Variants in E2F6 observed in about 807,000 individuals in gnomAD.
E2F6 encodes the protein E2F transcription factor 6.
In E2F6, 19 loss-of-function variants were observed where a neutral mutation model predicts 31.5. The observed-to-expected ratio is 0.60, with a 90% CI of 0.42 to 0.89. The LOEUF is 0.89. Ranked by LOEUF, E2F6 falls within the 40% of genes least tolerant of loss-of-function variation. E2F6 has a pLI of 0.00. For synonymous variants in E2F6, 121 were observed against 127.7 expected, an observed-to-expected ratio of 0.95 and a Z score of 0.36; for missense variants, 269 against 341.6, an observed-to-expected ratio of 0.79 and a Z score of 1.67.
intron 5 of E2F6, among the ~76,000 whole-genome samples, chr2:11,449,087 C>T (rs1205907379): frequency 6.6e-6 from 1 of 152,150 alleles, no homozygotes; most frequent in Non-Finnish European, 1.5e-5. Context: ...AGGGAAAAGC[C>T]AAAAATCCAT....
intron 4 of E2F6, 65 bp downstream of exon 4, chr2:11,451,586 C>G: frequency 6.9e-7 from 1 of 1,457,832 alleles, no homozygotes; most frequent in African/African-American, 1.4e-5. Flanking sequence ...CCCAAGCTGA[C>G]TCTACTACTT....
chr2:11,461,638 C>A (rs576224853), intron 1 of E2F6, among the ~76,000 whole-genome samples: 3 of 152,224 alleles, frequency 2.0e-5, no homozygotes, highest in African/African-American at 7.2e-5. Flanking sequence ...CAGGCATGAG[C>A]CACCATGACT....
chr2:11,457,076 A>C (rs1319366735), intron 2 of E2F6, 103 bp downstream of exon 2: 3 of 912,510 alleles, frequency 3.3e-6, no homozygotes, highest in Admixed American at 2.4e-5. Flanking sequence ...CACATAACAA[A>C]TTGTATTTCA....
In E2F6 at chr2:11,454,114, C is replaced by T. The variant is rs1437414937; in HGVS notation, c.164-316G>A. Among the ~76,000 whole-genome samples, 4 of 152,306 alleles carry T rather than the reference C, an allele frequency of 2.6e-5. No homozygotes were observed. In the East Asian group the frequency reaches 7.7e-4, roughly 29 times the overall value. ...ACAAAGCAGTGAGATTAATTTGCATCCATACCACTCTCAGGAATAGAATTA... is the reference window on the plus strand; with the variant it reads ...ACAAAGCAGTGAGATTAATTTGCATTCATACCACTCTCAGGAATAGAATTA... On this transcript the variant is annotated intron_variant, in intron 2 of 6. Transcript: ENST00000381525.
rs892932874 is a variant in E2F6 at position 11,446,404 on chromosome 2, A to G, written c.*73T>C. The G allele has an allele frequency of 1.4e-5, 16 of 1,135,538 alleles. No homozygotes were observed. The highest frequency in any genetic ancestry group is 1.9e-5 in the Non-Finnish European group (14 of 752,438). The allele number at this position is 1,135,538 out of a possible 1,614,324, so 70.3% of individuals were successfully genotyped here. A position where few individuals can be genotyped will look rare whatever the true frequency, so the allele number is the denominator to read the frequency against. ...TCATGGATAATTTATTGCTCTGAGA[A>G]TCAAATTTGATGCGTAATTCTCCAC... On this transcript the variant is annotated 3_prime_UTR_variant, in exon 7 of 7. Transcript: ENST00000381525.
intron 1 of E2F6, 32 bp downstream of exon 1, chr2:11,465,740 A>G (rs904517079): frequency 6.4e-7 from 1 of 1,555,992 alleles, no homozygotes; most frequent in Non-Finnish European, 8.7e-7. Flanking sequence ...TTGGGAGACC[A>G]CCGCCCGTCC....
chr2:11,464,517 CAAAAAAAAAAAA>C (rs559562627), intron 1 of E2F6, among the ~76,000 whole-genome samples: 1 of 44,658 alleles, frequency 2.2e-5, no homozygotes, highest in Non-Finnish European at 4.0e-5. Context: ...ACTTCGTCAC[CAAAAAAAAAAAA>C]AAAAAAAAAA....
chr2:11,462,371 A>G (rs1243882671), intron 1 of E2F6, among the ~76,000 whole-genome samples: 1 of 152,262 alleles, frequency 6.6e-6, no homozygotes, highest in Non-Finnish European at 1.5e-5. Flanking sequence ...GATCGGGCAT[A>G]GTAAGAGATT....
At chr2:11,458,187 G>C in intron 1 of E2F6, 1 of 1,359,198 alleles carries the variant, frequency 7.4e-7, no homozygotes, top group Non-Finnish European at 1.0e-6. Flanking sequence ...AGAAAAAACT[G>C]GCCATAAAGC....
rs1672191600 is a variant in E2F6 at position 11,466,040 on chromosome 2, C to T, written c.-161G>A. The T allele has an allele frequency of 3.5e-6, 2 of 576,388 alleles. No homozygotes were observed. Among genetic ancestry groups the T allele is most frequent in the Non-Finnish European group, 2.9e-6 (1 of 345,420 alleles). 35.7% of individuals were successfully genotyped at this position (576,388 alleles called of 1,614,324 possible). ...CGCCGCCCGGCTAGGCCGTCCCGCC[C>T]GCCAGTAAACGCGGCACGGCCTCAC... On this transcript the variant is annotated 5_prime_UTR_variant, in exon 1 of 7. Transcript: ENST00000381525.
At chr2:11,449,900 T>C (rs916528921) in intron 5 of E2F6, 112 bp downstream of exon 5, 2 of 708,220 alleles carry the variant, frequency 2.8e-6, no homozygotes, top group African/African-American at 1.8e-5. Flanking sequence ...CAGTATCGGA[T>C]GTACAGTGCA....
intron 4 of E2F6, chr2:11,451,270 T>A (rs1388989603): frequency 6.2e-6 from 1 of 160,246 alleles, no homozygotes; most frequent in African/African-American, 2.4e-5. Context: ...GAATTTAATC[T>A]AAGAAATGCC....
At chr2:11,457,420 C>T (rs761790718) in intron 1 of E2F6, among the ~76,000 whole-genome samples, 187 bp from the exon 2 acceptor site, 3 of 152,136 alleles carry the variant, frequency 2.0e-5, no homozygotes, top group Admixed American at 1.3e-4. Flanking sequence ...GTGAGGAGTT[C>T]GAGACCAGCC....
Position 11,444,879 on chromosome 2 carries a change from C to T in E2F6, c.*1598G>A, listed in dbSNP as rs1670628078. The T allele has an allele frequency of 6.6e-6, 1 of 152,216 alleles. No homozygotes were observed. Among genetic ancestry groups the T allele is most frequent in the South Asian group, 2.1e-4 (1 of 4,834 alleles). 9.4% of individuals were successfully genotyped at this position (152,216 alleles called of 1,614,324 possible). A position where few individuals can be genotyped will look rare whatever the true frequency, so the allele number is the denominator to read the frequency against. ...TCCCTATTCTGTCAAACAGTACGAC[C>T]CACCAGTCCAGTGATGATCAGCAGT... On this transcript the variant is annotated 3_prime_UTR_variant, in exon 7 of 7. Transcript: ENST00000381525.
At chr2:11,450,158 T>C (rs1175427869) in intron 4 of E2F6, 32 bp from the exon 5 acceptor site, 2 of 1,422,518 alleles carry the variant, frequency 1.4e-6, no homozygotes, top group South Asian at 2.4e-5. Context: ...CTACACAGAA[T>C]GCTGTTTACT....
intron 1 of E2F6, chr2:11,458,475 T>C: frequency 1.0e-6 from 1 of 970,126 alleles, no homozygotes. Context: ...GTGACTTGAC[T>C]TTGAAGCTGG....
rs1266856644 is a variant in E2F6 at position 11,465,853 on chromosome 2, C to T, written c.27G>A (p.Lys9=). The part of the protein sequence containing the change: MSQQRPAR[K]LPSLLLDPTE... ...TCGGGTCCAGGAGGAGACTGGGTAA[C>T]TTCCTCGCCGGCCGCTGCTGACTCA... The change falls in exon 1 of 7, where the codon AAG becomes AAA. Residue 9 remains lysine, a synonymous_variant. Coordinates refer to ENST00000381525, the MANE Select transcript of E2F6 (RefSeq NM_198256.4). 1 of 1,576,236 alleles carries T rather than the reference C, an allele frequency of 6.3e-7. No homozygotes were observed. Among genetic ancestry groups the T allele is most frequent in the African/African-American group, 1.4e-5 (1 of 74,052 alleles).
chr2:11,466,156 T>G lies in E2F6; in HGVS notation c.-277A>C. ...GCCCGCCATCTTCCCGCATGCGCAG[T>G]ACACCGCCCCCCTCTGCGCATGCCC... On this transcript the variant is annotated 5_prime_UTR_variant, in exon 1 of 7. Coordinates refer to ENST00000381525, the MANE Select transcript of E2F6 (RefSeq NM_198256.4). 4 of 380,420 alleles carry G rather than the reference T, an allele frequency of 1.1e-5. No individual in the cohort carries two copies. Among genetic ancestry groups the G allele is most frequent in the Non-Finnish European group, 9.4e-6 (2 of 211,746 alleles). 23.6% of individuals were successfully genotyped at this position (380,420 alleles called of 1,614,324 possible).
rs1181911208 is a variant in E2F6, at chr2:11,457,191, C to T, written c.151G>A (p.Val51Met). The change falls in exon 2 of 7, where the codon GTG (valine) becomes ATG (methionine). Residue 51 changes from valine (V) to methionine (M), a missense_variant. By Grantham distance (21) the Val-to-Met change is conservative (BLOSUM62 1). Transcript: ENST00000381525. ...GGAATCAACTTACTTCTCATGGACA[C>T]ATATTGTACATTATCTTCTAAATTA... ...RINLEDNVQYVSMRKALKVKR... is the reference protein window; with the variant it reads ...RINLEDNVQYMSMRKALKVKR... 1.9e-6 allele frequency: 3 copies of T among 1,564,196 alleles called. No homozygotes were observed. Among genetic ancestry groups the T allele is most frequent in the Non-Finnish European group, 2.6e-6 (3 of 1,137,842 alleles).
Sources: allele counts gnomAD v4.1 joint callset (sites outside exome capture counted in the v4.1 genomes callset), GRCh38; gene constraint gnomAD v4.1.1; transcripts MANE v1.5; gene names NCBI Gene and HGNC (gene_info 2026-07-23, HGNC 2026-07-21).